Variants in EMP2 observed in about 807,000 individuals in gnomAD.
The protein encoded by EMP2 is epithelial membrane protein 2.
EMP2 carries 19 observed loss-of-function variants against 13.7 expected under a neutral mutation model. The observed-to-expected ratio is 1.38, with a 90% CI of 0.97 to 2.03. EMP2 has a LOEUF of 2.03. EMP2 is among the 30% of genes most tolerant of loss of function. EMP2 has a pLI of 0.00. For missense variants in EMP2, 253 were observed against 220.7 expected (o/e 1.15, Z -0.93); for synonymous variants, 97 against 84.7 (o/e 1.15, Z -0.80).
rs551644662 is a variant in EMP2, at chr16:10,558,404, G to C, written c.-60-10727C>G. Reference sequence around the variant, plus strand: ...GTCCATCCTGACCCCAGATAACAAAGAGAATTGACATCTCCTCGCTGTTTC... The same window carrying C: ...GTCCATCCTGACCCCAGATAACAAACAGAATTGACATCTCCTCGCTGTTTC... On this transcript the variant is annotated intron_variant, in intron 1 of 4. Transcript: ENST00000359543. Among the ~76,000 whole-genome samples the C allele has an allele frequency of 3.3e-5, 5 of 152,274 alleles. No homozygotes were observed. In the South Asian group the frequency reaches 8.3e-4, roughly 25 times the overall value.
intron 1 of EMP2, among the ~76,000 whole-genome samples, chr16:10,567,395 T>C (rs2050913997): frequency 6.6e-6 from 1 of 152,194 alleles, no homozygotes; most frequent in South Asian, 2.1e-4. Context: ...GGCCTCCAGC[T>C]CTCTGACTCC....
At chr16:10,537,731 C>T (rs945079341) in intron 4 of EMP2, among the ~76,000 whole-genome samples, 197 bp downstream of exon 4, 7 of 151,768 alleles carry the variant, frequency 4.6e-5, no homozygotes, top group Non-Finnish European at 7.4e-5. Context: ...CAAATATAAA[C>T]GTCCCACTGT....
intron 1 of EMP2, chr16:10,558,994 C>T (rs758561171): frequency 2.0e-5 from 3 of 152,298 alleles, no homozygotes; most frequent in Non-Finnish European, 4.4e-5. Context: ...CAATACAGAC[C>T]TGAGATGTTC....
At chr16:10,577,895 G>C (rs537626414) in intron 1 of EMP2, 1 of 152,004 alleles carries the variant, frequency 6.6e-6, no homozygotes, top group African/African-American at 2.4e-5. Context: ...TGTAGCCCGC[G>C]TCAGAGTCCC....
chr16:10,579,879 A>C lies in EMP2; in HGVS notation c.-61+670T>G, dbSNP rs575597511. Among the ~76,000 whole-genome samples, 5 of 152,320 alleles carry C rather than the reference A, an allele frequency of 3.3e-5. No homozygotes were observed. In the East Asian group the frequency reaches 9.6e-4, roughly 29 times the overall value. Reference sequence around the variant, plus strand: ...TAAAAGACCTCCCTGGAGCGTGCTCAGATCTCTGGATTTGGGGAGGGCGTA... The same window carrying C: ...TAAAAGACCTCCCTGGAGCGTGCTCCGATCTCTGGATTTGGGGAGGGCGTA... On this transcript the variant is annotated intron_variant, in intron 1 of 4. Transcript: ENST00000359543.
At chr16:10,578,709 G>C (rs559396203) in intron 1 of EMP2, among the ~76,000 whole-genome samples, 193 of 152,370 alleles carry the variant, frequency 1.3e-3, no homozygotes, top group African/African-American at 4.5e-3. Context: ...CTCCACTTGA[G>C]GGGCAGAGGA....
intron 3 of EMP2, among the ~76,000 whole-genome samples, chr16:10,539,120 G>A (rs2050674242): frequency 6.6e-6 from 1 of 152,146 alleles, no homozygotes; most frequent in Admixed American, 6.6e-5. Context: ...GAGGGTGCAG[G>A]CAAGGTGGGA....
At chr16:10,551,849 C>A (rs1486572832) in intron 1 of EMP2, among the ~76,000 whole-genome samples, 2 of 152,126 alleles carry the variant, frequency 1.3e-5, no homozygotes, top group African/African-American at 4.8e-5. Context: ...CCCCATTATC[C>A]CCCCACGGAA....
chr16:10,577,849 G>A (rs1264555137), intron 1 of EMP2, among the ~76,000 whole-genome samples: 1 of 151,764 alleles, frequency 6.6e-6, no homozygotes, highest in Non-Finnish European at 1.5e-5. Flanking sequence ...GAACTCCCGT[G>A]GCTGGAGAGC....
At chr16:10,564,522 C>T (rs931317520) in intron 1 of EMP2, among the ~76,000 whole-genome samples, 3 of 150,758 alleles carry the variant, frequency 2.0e-5, no homozygotes, top group Non-Finnish European at 4.4e-5. Context: ...GGTAATTCTG[C>T]CCTGTCCCTA....
chr16:10,547,899 G>T (rs113727866), intron 1 of EMP2, among the ~76,000 whole-genome samples: 145 of 152,126 alleles, frequency 9.5e-4, no homozygotes, highest in African/African-American at 3.1e-3. Context: ...GCTGGGCGTG[G>T]TCGTCATACC....
At chr16:10,553,152 T>C (rs1443183516) in intron 1 of EMP2, among the ~76,000 whole-genome samples, 2 of 152,228 alleles carry the variant, frequency 1.3e-5, no homozygotes, top group African/African-American at 4.8e-5. Context: ...CCCGAATGTT[T>C]AAGAGGGAAT....
intron 1 of EMP2, among the ~76,000 whole-genome samples, chr16:10,577,367 G>A (rs746420559): frequency 7.9e-5 from 12 of 152,094 alleles, no homozygotes; most frequent in Non-Finnish European, 1.5e-4. Context: ...TACCAGCCCG[G>A]CACTCTCTCG....
At chr16:10,542,987 A>T (rs2134991) in intron 3 of EMP2, among the ~76,000 whole-genome samples, 2 of 152,098 alleles carry the variant, frequency 1.3e-5, no homozygotes, top group African/African-American at 4.8e-5. Context: ...CTGGGATTAC[A>T]GGCGTGCACC....
intron 1 of EMP2, among the ~76,000 whole-genome samples, chr16:10,549,604 T>C (rs1282584935): frequency 1.3e-5 from 2 of 151,582 alleles, no homozygotes; most frequent in Non-Finnish European, 2.9e-5. Flanking sequence ...GTTACTACAT[T>C]TTTTTGGAAA....
In EMP2 at chr16:10,536,358, T is replaced by C. The variant is rs535899815; in HGVS notation, c.316+1570A>G. Among the ~76,000 whole-genome samples the C allele has an allele frequency of 4.6e-5, 7 of 152,316 alleles. No homozygotes were observed. In the East Asian group the frequency reaches 1.3e-3, roughly 29 times the overall value. Reference sequence around the variant, plus strand: ...GCTGTGTCCCCACCCCAATCTCACCTTGAATTGTAATAATCCCCACATGTC... The same window carrying C: ...GCTGTGTCCCCACCCCAATCTCACCCTGAATTGTAATAATCCCCACATGTC... On this transcript the variant is annotated intron_variant, in intron 4 of 4. Coordinates refer to ENST00000359543, the MANE Select transcript of EMP2 (RefSeq NM_001424.6).
At chr16:10,560,720 T>C (rs2050865187) in intron 1 of EMP2, among the ~76,000 whole-genome samples, 1 of 152,114 alleles carries the variant, frequency 6.6e-6, no homozygotes, top group African/African-American at 2.4e-5. Flanking sequence ...AGAAGCTTCA[T>C]GGAAGAAGCG....
In EMP2 at chr16:10,546,226, TGTAGGCAGAGTTGGTGGCCACTC is replaced by T. The variant is rs1374040815; in HGVS notation, c.78+1291_78+1313del. Reference sequence around the variant, plus strand: ...ATGATCCATCAACGGGAGCCGTATATGTAGGCAGAGTTGGTGGCCACTCGTATGGTGTACTTTTTGGCTTTCTG... The same window carrying T: ...ATGATCCATCAACGGGAGCCGTATATGTATGGTGTACTTTTTGGCTTTCTG... On this transcript the variant is annotated intron_variant, in intron 2 of 4. Coordinates refer to ENST00000359543, the MANE Select transcript of EMP2 (RefSeq NM_001424.6). The T allele has an allele frequency of 3.9e-5, 6 of 152,228 alleles. No individual in the cohort carries two copies. In the East Asian group the frequency reaches 1.2e-3, roughly 29 times the overall value. The allele number at this position is 152,228 out of a possible 1,614,324, so 9.4% of individuals were successfully genotyped here.
chr16:10,550,368 A>T (rs899767226), intron 1 of EMP2, among the ~76,000 whole-genome samples: 1 of 152,150 alleles, frequency 6.6e-6, no homozygotes, highest in African/African-American at 2.4e-5. Context: ...TTTTCGTTTC[A>T]GGTCTCTTTA....
Sources: allele counts gnomAD v4.1 joint callset (sites outside exome capture counted in the v4.1 genomes callset), GRCh38; gene constraint gnomAD v4.1.1; transcripts MANE v1.5; gene names NCBI Gene and HGNC (gene_info 2026-07-23, HGNC 2026-07-21).